Variants in CADPS observed in about 807,000 individuals in gnomAD.
CADPS encodes calcium dependent secretion activator.
Under a neutral mutation model 167.3 loss-of-function variants are expected in CADPS, and 57 were observed. The ratio of observed to expected loss-of-function variants is 0.34; its 90% CI spans 0.28 to 0.42. The LOEUF (loss-of-function observed/expected upper bound fraction) is 0.42. Ranked by LOEUF, CADPS falls within the 20% of genes least tolerant of loss-of-function variation. The pLI is 1.00. For synonymous variants in CADPS, 676 were observed against 635.3 expected, an observed-to-expected ratio of 1.06 and a Z score of -0.96; for missense variants, 1,414 against 1,738.1, an observed-to-expected ratio of 0.81 and a Z score of 3.32.
chr3:62,581,380 A>T (rs986832043), intron 8 of CADPS, among the ~76,000 whole-genome samples: 1 of 151,432 alleles, frequency 6.6e-6, no homozygotes, highest in African/African-American at 2.4e-5. Context: ...AAAAAAATAA[A>T]TTTTAACTGA....
chr3:62,532,378 T>G (rs1305727027), intron 13 of CADPS, among the ~76,000 whole-genome samples: 1 of 152,222 alleles, frequency 6.6e-6, no homozygotes, highest in Non-Finnish European at 1.5e-5. Context: ...ACTAAATGTG[T>G]ATCAGAGTGA....
In CADPS at chr3:62,458,512, G is replaced by A. The variant is rs764532163; in HGVS notation, c.3636+6855C>T. ...CTTTTTTCTTTTTCTTTTTTGAGAC[G>A]GAGTCTGGCTCTATCACCCAGGCTG... is the stretch of plus-strand genomic sequence containing the variant. On this transcript the variant is annotated intron_variant, in intron 26 of 29. Coordinates refer to ENST00000383710, the MANE Select transcript of CADPS (RefSeq NM_003716.4). This position sits in a 1 kb window ranked among gnomAD's most constrained non-coding sequence, Gnocchi z 4.6. Among the ~76,000 whole-genome samples the A allele has an allele frequency of 2.6e-5, 4 of 151,780 alleles. No individual in the cohort carries two copies. The highest frequency in any genetic ancestry group is 5.9e-5 in the Non-Finnish European group (4 of 67,978).
chr3:62,472,887 T>A (rs1576501340), intron 24 of CADPS, among the ~76,000 whole-genome samples: 1 of 152,326 alleles, frequency 6.6e-6, no homozygotes, highest in Non-Finnish European at 1.5e-5. Flanking sequence ...CAGGTTTACA[T>A]ACTGAGTATC....
intron 1 of CADPS, among the ~76,000 whole-genome samples, chr3:62,771,292 T>A (rs908581335): frequency 2.0e-5 from 3 of 152,202 alleles, no homozygotes; most frequent in African/African-American, 7.2e-5. Flanking sequence ...TATAACAGTA[T>A]CAAGGCACAA....
intron 3 of CADPS, among the ~76,000 whole-genome samples, chr3:62,688,475 T>C (rs1313703946): frequency 6.6e-6 from 1 of 152,050 alleles, no homozygotes; most frequent in Non-Finnish European, 1.5e-5. Flanking sequence ...GGTCATCAGA[T>C]ATTTTTAAGG....
At chr3:62,810,741 G>A (rs1038589314) in intron 1 of CADPS, among the ~76,000 whole-genome samples, 6 of 152,204 alleles carry the variant, frequency 3.9e-5, no homozygotes, top group Non-Finnish European at 8.8e-5. Context: ...TGTTCCCTGT[G>A]AGCCTCCTCT....
At chr3:62,800,712 G>C (rs2093708198) in intron 1 of CADPS, among the ~76,000 whole-genome samples, 1 of 152,076 alleles carries the variant, frequency 6.6e-6, no homozygotes, top group Non-Finnish European at 1.5e-5. Flanking sequence ...ATATTGTAGT[G>C]CCATGATTTT....
rs573366813 is a variant in CADPS at position 62,506,729 on chromosome 3, G to A, written c.2599+6022C>T. Among the ~76,000 whole-genome samples, 11 of 152,300 alleles carry A rather than the reference G, an allele frequency of 7.2e-5. 1 individual carries two copies. Among genetic ancestry groups the A allele is most frequent in the African/African-American group, 2.2e-4 (9 of 41,572 alleles). ...CATGAGCTACACCTGGCCAACCATA[G>A]TACCTCATACCATCATGGGTACTAT... On this transcript the variant is annotated intron_variant, in intron 17 of 29. Transcript: ENST00000383710.
chr3:62,738,697 G>C (rs1344524260), intron 3 of CADPS, among the ~76,000 whole-genome samples: 2 of 152,084 alleles, frequency 1.3e-5, no homozygotes, highest in Non-Finnish European at 2.9e-5. Flanking sequence ...TTGCACTCTA[G>C]CCTGGGCAAC....
chr3:62,609,573 G>T (rs1394295894), intron 6 of CADPS, among the ~76,000 whole-genome samples: 1 of 152,156 alleles, frequency 6.6e-6, no homozygotes, highest in Non-Finnish European at 1.5e-5. Context: ...TAGGAGCTGG[G>T]TGATTGTGGC....
chr3:62,745,402 T>C (rs1456287490), intron 3 of CADPS, among the ~76,000 whole-genome samples: 1 of 152,178 alleles, frequency 6.6e-6, no homozygotes, highest in African/African-American at 2.4e-5. Context: ...ATTTTCACAT[T>C]GGAAGATTGC....
In CADPS at chr3:62,398,887, G is replaced by A. The variant is rs962552528; in HGVS notation, c.*519C>T. On this transcript the variant is annotated 3_prime_UTR_variant, in exon 30 of 30. Transcript: ENST00000383710. ...AGGGGTTCATTTTTTGGTTTTAGGG[G>A]AACAGAAAGCATCAAAAGTTAATTG... is the stretch of plus-strand genomic sequence containing the variant. The A allele has an allele frequency of 6.6e-6, 1 of 152,100 alleles. No individual in the cohort carries two copies. The highest frequency in any genetic ancestry group is 2.4e-5 in the African/African-American group (1 of 41,392). 9.4% of individuals were successfully genotyped at this position (152,100 alleles called of 1,614,324 possible). A position where few individuals can be genotyped will look rare whatever the true frequency, so the allele number is the denominator to read the frequency against.
At chr3:62,466,054 C>CTT (rs2059898134) in intron 25 of CADPS, among the ~76,000 whole-genome samples, 1 of 152,192 alleles carries the variant, frequency 6.6e-6, no homozygotes, top group Admixed American at 6.5e-5. Flanking sequence ...AAAAATCTAA[C>CTT]TTTGTCAGAG....
At chr3:62,429,933 C>G (rs1189302923) in intron 28 of CADPS, among the ~76,000 whole-genome samples, 1 of 152,188 alleles carries the variant, frequency 6.6e-6, no homozygotes, top group Admixed American at 6.5e-5. Context: ...TCATTGCCTA[C>G]AAGCTCCAGA....
chr3:62,755,384 T>A (rs147613371), intron 2 of CADPS, among the ~76,000 whole-genome samples: 2,031 of 152,314 alleles, frequency 0.013, 31 homozygotes, highest in South Asian at 0.042. Context: ...TACAAGGCAG[T>A]GAAGCCGCCG....
At chr3:62,728,031 A>G (rs1564385295) in intron 3 of CADPS, among the ~76,000 whole-genome samples, 1 of 151,882 alleles carries the variant, frequency 6.6e-6, no homozygotes, top group Non-Finnish European at 1.5e-5. Flanking sequence ...TTATAACTCT[A>G]CAAGGCCAAT....
intron 9 of CADPS, among the ~76,000 whole-genome samples, chr3:62,565,415 G>T (rs1036634256): frequency 4.6e-5 from 7 of 152,204 alleles, no homozygotes; most frequent in African/African-American, 1.4e-4. Context: ...CACTTTAAGC[G>T]GGATAATGAC....
rs67195379 is a variant in CADPS at position 62,431,391 on chromosome 3, GC to G, written c.3777+6712del. 6.5e-3 allele frequency among the ~76,000 whole-genome samples: 992 copies of G among 151,774 alleles called. 4 individuals carry two copies. The highest frequency in any genetic ancestry group is 0.011 in the Non-Finnish European group (736 of 67,910). On this transcript the variant is annotated intron_variant, in intron 28 of 29. Transcript: ENST00000383710. ...GCCTCTGTGAGTTTTTTACAGTTTA[GC>G]CCCCCCTCAATCTTTTTTTTTTAAA...
intron 6 of CADPS, among the ~76,000 whole-genome samples, chr3:62,643,874 A>C (rs1309509161): frequency 6.6e-6 from 1 of 152,234 alleles, no homozygotes; most frequent in African/African-American, 2.4e-5. Flanking sequence ...AGCATGGAAA[A>C]CGATCAGACC....
Sources: allele counts gnomAD v4.1 joint callset (sites outside exome capture counted in the v4.1 genomes callset), GRCh38; gene constraint gnomAD v4.1.1; non-coding constraint Gnocchi (gnomAD v3.1); transcripts MANE v1.5; gene names NCBI Gene and HGNC (gene_info 2026-07-23, HGNC 2026-07-21).